The following KCNJ3 variants were observed in gnomAD, a reference collection of about 807,000 sequenced individuals.
KCNJ3 encodes G protein-activated inward rectifier potassium channel 1.
Under a neutral mutation model 39.2 loss-of-function variants are expected in KCNJ3, and 4 were observed. The ratio of observed to expected loss-of-function variants is 0.10; its 90% confidence interval spans 0.05 to 0.23. KCNJ3 has a LOEUF of 0.23. Among genes scored for constraint, KCNJ3 ranks in the 10% least tolerant of loss-of-function variants. The pLI is 1.00. For synonymous variants in KCNJ3, 230 were observed against 237.4 expected (o/e 0.97, Z 0.29); for missense variants, 276 against 634.9 (o/e 0.43, Z 6.08).
chr2:154,713,899 A>G (rs1368343345), intron 2 of KCNJ3, among the ~76,000 whole-genome samples: 1 of 151,978 alleles, frequency 6.6e-6, no homozygotes, highest in Non-Finnish European at 1.5e-5. Flanking sequence ...TCCCCATGGG[A>G]TCTATTTTAG....
At chr2:154,752,108 T>C (rs1685855006) in intron 2 of KCNJ3, among the ~76,000 whole-genome samples, 1 of 152,034 alleles carries the variant, frequency 6.6e-6, no homozygotes, top group Non-Finnish European at 1.5e-5. Context: ...ACAAAGTAAT[T>C]TCCTTTTATA....
At chr2:154,700,633 G>C (rs1168899035) in intron 1 of KCNJ3, among the ~76,000 whole-genome samples, 1 of 152,124 alleles carries the variant, frequency 6.6e-6, no homozygotes, top group Non-Finnish European at 1.5e-5. Flanking sequence ...TTGAGATTTT[G>C]CCTTTGAAAT....
chr2:154,714,719 T>C (rs564116474), intron 2 of KCNJ3, among the ~76,000 whole-genome samples: 1 of 152,304 alleles, frequency 6.6e-6, no homozygotes, highest in East Asian at 1.9e-4. Flanking sequence ...GCCCCCTGTT[T>C]TTTCTTTTTA....
chr2:154,855,616 GAA>G lies in KCNJ3; in HGVS notation c.*310_*311del, dbSNP rs33975324. 20 of 149,210 alleles carry G rather than the reference GAA, an allele frequency of 1.3e-4. No homozygotes were observed. The highest frequency in any genetic ancestry group is 5.7e-4 in the South Asian group (3 of 5,264). 9.2% of individuals were successfully genotyped at this position (149,210 alleles called of 1,614,324 possible). ...TGGCATATTTATATTGTATATTCTG[GAA>G]AAAAAATATATATATATATTTAAAG... On this transcript the variant is annotated 3_prime_UTR_variant, in exon 3 of 3. Coordinates refer to ENST00000295101, the MANE Select transcript of KCNJ3 (RefSeq NM_002239.4).
intron 2 of KCNJ3, among the ~76,000 whole-genome samples, chr2:154,774,355 A>G (rs1292514365): frequency 6.6e-6 from 1 of 150,932 alleles, no homozygotes; most frequent in African/African-American, 2.4e-5. Context: ...AAAGAAAGTT[A>G]TGCTCATTTA....
At chr2:154,724,844 C>T (rs1233632354) in intron 2 of KCNJ3, among the ~76,000 whole-genome samples, 2 of 142,256 alleles carry the variant, frequency 1.4e-5, no homozygotes, top group Non-Finnish European at 1.5e-5. Flanking sequence ...TATATTTATA[C>T]TTATATTTAT....
intron 2 of KCNJ3, among the ~76,000 whole-genome samples, chr2:154,719,659 G>A (rs1292188150): frequency 1.3e-5 from 2 of 152,122 alleles, no homozygotes; most frequent in African/African-American, 4.8e-5. Flanking sequence ...TTTCATGGGA[G>A]AGAATATCAT....
chr2:154,846,834 T>C (rs1380617258), intron 2 of KCNJ3, among the ~76,000 whole-genome samples: 1 of 152,174 alleles, frequency 6.6e-6, no homozygotes, highest in Non-Finnish European at 1.5e-5. Flanking sequence ...GTATTTGAAA[T>C]ATTTGTTTCT....
chr2:154,853,164 A>G (rs1253903776), intron 2 of KCNJ3, among the ~76,000 whole-genome samples: 2 of 151,714 alleles, frequency 1.3e-5, no homozygotes, highest in Admixed American at 1.3e-4. Flanking sequence ...AAAAGAGGGA[A>G]GAAGAGAGAG....
chr2:154,709,001 T>A (rs1685059093), intron 1 of KCNJ3, among the ~76,000 whole-genome samples: 1 of 152,180 alleles, frequency 6.6e-6, no homozygotes, highest in South Asian at 2.1e-4. Context: ...GCTAACAACA[T>A]CTGCCATTTA....
intron 2 of KCNJ3, among the ~76,000 whole-genome samples, chr2:154,732,495 G>A (rs1156726415): frequency 6.6e-6 from 1 of 152,014 alleles, no homozygotes; most frequent in Non-Finnish European, 1.5e-5. Context: ...AGACTCAAAA[G>A]GCTTGTGACT....
intron 2 of KCNJ3, among the ~76,000 whole-genome samples, chr2:154,726,080 C>G (rs1558857254): frequency 6.6e-6 from 1 of 152,176 alleles, no homozygotes; most frequent in South Asian, 2.1e-4. Context: ...ATCCCAAAAG[C>G]AAATGCAGCA....
intron 2 of KCNJ3, among the ~76,000 whole-genome samples, chr2:154,848,900 G>A (rs561959024): frequency 7.2e-5 from 11 of 152,076 alleles, no homozygotes; most frequent in Non-Finnish European, 1.0e-4. Context: ...TTTTTATTGT[G>A]GCAAATCTGG....
chr2:154,703,567 T>A (rs535272783), intron 1 of KCNJ3, among the ~76,000 whole-genome samples: 9 of 152,058 alleles, frequency 5.9e-5, no homozygotes, highest in Admixed American at 5.9e-4. Flanking sequence ...TTTCTCCATA[T>A]GACTATTATC....
chr2:154,711,942 T>G (rs1326334097), intron 2 of KCNJ3, among the ~76,000 whole-genome samples: 2 of 152,134 alleles, frequency 1.3e-5, no homozygotes, highest in Admixed American at 6.5e-5. Context: ...ATGTGAAAAC[T>G]TGGCTGGAGA....
chr2:154,702,126 G>A (rs1419152365), intron 1 of KCNJ3, among the ~76,000 whole-genome samples: 1 of 151,990 alleles, frequency 6.6e-6, no homozygotes, highest in East Asian at 1.9e-4. Flanking sequence ...ATAATAATAT[G>A]TCCCTATCAG....
chr2:154,714,532 C>T (rs963319726), intron 2 of KCNJ3, among the ~76,000 whole-genome samples: 11 of 152,124 alleles, frequency 7.2e-5, no homozygotes, highest in African/African-American at 2.7e-4. Flanking sequence ...AGATATGAAA[C>T]TTACCCCCAG....
In KCNJ3 at chr2:154,762,090, C is replaced by G. The variant is rs537513870; in HGVS notation, c.919+52271C>G. The stretch of plus-strand genomic sequence containing the variant: ...TGGAATAGACAAGGAATGAACGCTC[C>G]CTTGGAGCCTCCAGCAGGAACACAG... On this transcript the variant is annotated intron_variant, in intron 2 of 2. Coordinates refer to ENST00000295101, the MANE Select transcript of KCNJ3 (RefSeq NM_002239.4). 2.8e-3 allele frequency among the ~76,000 whole-genome samples: 422 copies of G among 152,246 alleles called. 3 individuals are homozygous for G. Among genetic ancestry groups the G allele is most frequent in the African/African-American group, 9.7e-3 (402 of 41,546 alleles).
chr2:154,739,929 G>A lies in KCNJ3; in HGVS notation c.919+30110G>A, dbSNP rs145503493. Among the ~76,000 whole-genome samples the A allele has an allele frequency of 2.6e-5, 4 of 152,124 alleles. No homozygotes were observed. In the East Asian group the frequency reaches 5.8e-4, roughly 22 times the overall value. On this transcript the variant is annotated intron_variant, in intron 2 of 2. Coordinates refer to ENST00000295101, the MANE Select transcript of KCNJ3 (RefSeq NM_002239.4). The stretch of plus-strand genomic sequence containing the variant: ...CGAATATGGCATTGTATCCTGTGGG[G>A]ACATATATGAGTTTTCCTCTCTGTA...
Sources: allele counts gnomAD v4.1 joint callset (sites outside exome capture counted in the v4.1 genomes callset), GRCh38; gene constraint gnomAD v4.1.1; transcripts MANE v1.5; gene names NCBI Gene and HGNC (gene_info 2026-07-23, HGNC 2026-07-21).